Variants in OPCML observed in about 807,000 individuals in gnomAD.
The protein encoded by OPCML is opioid-binding protein/cell adhesion molecule.
In OPCML, 13 loss-of-function variants were observed where a neutral mutation model predicts 37.8. The observed-to-expected ratio is 0.34, with a 90% CI of 0.22 to 0.55. The LOEUF (loss-of-function observed/expected upper bound fraction) is 0.55, where lower values mean the gene tolerates loss of function less well. Among genes scored for constraint, OPCML ranks in the 20% least tolerant of loss-of-function variants. OPCML has a pLI of 0.91. For synonymous variants in OPCML, 176 were observed against 168.8 expected (o/e 1.04, Z -0.33); for missense variants, 341 against 435.6 (o/e 0.78, Z 1.93).
chr11:133,310,693 G>A (rs530646411), intron 1 of OPCML, among the ~76,000 whole-genome samples: 1 of 152,200 alleles, frequency 6.6e-6, no homozygotes, highest in South Asian at 2.1e-4. Context: ...TGGAAGGACT[G>A]TTCCCACCCA....
chr11:133,043,446 C>A (rs1354226818), intron 1 of OPCML, among the ~76,000 whole-genome samples: 3 of 152,176 alleles, frequency 2.0e-5, no homozygotes, highest in Non-Finnish European at 4.4e-5. Context: ...AATTAACCAG[C>A]CTTCCCTTTC....
chr11:133,298,360 G>GAAGGAA (rs1203205564), intron 1 of OPCML: 1 of 152,008 alleles, frequency 6.6e-6, no homozygotes, highest in Non-Finnish European at 1.5e-5. Context: ...GACAGAAAAT[G>GAAGGAA]GTAAAAATCA....
chr11:132,742,357 G>A (rs916070067), intron 2 of OPCML, among the ~76,000 whole-genome samples: 3 of 152,194 alleles, frequency 2.0e-5, no homozygotes, highest in Non-Finnish European at 4.4e-5. Context: ...TGGAGTTCCA[G>A]TGATGGTATT....
intron 4 of OPCML, among the ~76,000 whole-genome samples, chr11:132,515,473 T>C (rs1189240158): frequency 6.6e-6 from 1 of 152,158 alleles, no homozygotes; most frequent in Non-Finnish European, 1.5e-5. Context: ...ACCCCAGTCC[T>C]TGTTATTGTG....
At chr11:132,917,658 C>T (rs1944651616) in intron 2 of OPCML, among the ~76,000 whole-genome samples, 1 of 152,192 alleles carries the variant, frequency 6.6e-6, no homozygotes, top group Non-Finnish European at 1.5e-5. Flanking sequence ...TGCCATGGTA[C>T]CTGGAACTAG....
rs2095949205 is a variant in OPCML at position 132,419,273 on chromosome 11, TA to T, written c.*919del. Reference sequence around the variant, plus strand: ...AAGGAGTGTTAGACAATTACATTGATAGATTGATAAACAGTAAATAGATTGC... The same window carrying T: ...AAGGAGTGTTAGACAATTACATTGATGATTGATAAACAGTAAATAGATTGC... On this transcript the variant is annotated 3_prime_UTR_variant, in exon 8 of 8. Transcript: ENST00000524381. 6.6e-6 allele frequency: 1 copy of T among 152,164 alleles called. No individual in the cohort carries two copies. The highest frequency in any genetic ancestry group is 1.5e-5 in the Non-Finnish European group (1 of 68,018). The allele number at this position is 152,164 out of a possible 1,614,324, so 9.4% of individuals were successfully genotyped here.
At chr11:133,224,272 A>G (rs1252987942) in intron 1 of OPCML, among the ~76,000 whole-genome samples, 6 of 152,156 alleles carry the variant, frequency 3.9e-5, no homozygotes, top group Non-Finnish European at 7.3e-5. Flanking sequence ...GAAACAAGAG[A>G]AAAAGAACAA....
At chr11:133,015,435 G>GGAAGGAAT (rs1565398924) in intron 1 of OPCML, among the ~76,000 whole-genome samples, 15 of 106,292 alleles carry the variant, frequency 1.4e-4, no homozygotes, top group Non-Finnish European at 6.7e-5. Context: ...AAGGAATGAA[G>GGAAGGAAT]GAAGGAAGGA....
At chr11:133,371,301 C>T (rs1262715500) in intron 1 of OPCML, among the ~76,000 whole-genome samples, 1 of 152,172 alleles carries the variant, frequency 6.6e-6, no homozygotes, top group African/African-American at 2.4e-5. Flanking sequence ...AGCTGACCTA[C>T]TACTGGGTAT....
intron 2 of OPCML, among the ~76,000 whole-genome samples, chr11:132,839,431 G>A (rs1409334315): frequency 6.6e-6 from 1 of 152,230 alleles, no homozygotes. Context: ...TTCCCATATG[G>A]GAGGCGCTTG....
chr11:133,390,912 TC>T (rs2136810133), intron 1 of OPCML, among the ~76,000 whole-genome samples: 1 of 152,178 alleles, frequency 6.6e-6, no homozygotes, highest in East Asian at 1.9e-4. Context: ...CTTCAATGGC[TC>T]CCAGTGGGTC....
chr11:133,384,717 C>T (rs1332037231), intron 1 of OPCML, among the ~76,000 whole-genome samples: 5 of 152,214 alleles, frequency 3.3e-5, no homozygotes, highest in Admixed American at 1.3e-4. Context: ...AGACCAGCCT[C>T]AATAGAGACA....
At chr11:132,783,884 A>C (rs1000227942) in intron 2 of OPCML, among the ~76,000 whole-genome samples, 2 of 152,206 alleles carry the variant, frequency 1.3e-5, no homozygotes, top group African/African-American at 4.8e-5. Context: ...CTACTTTGGG[A>C]ATATATTTTA....
chr11:132,552,763 C>CTT lies in OPCML; in HGVS notation c.380-23579_380-23578dup, dbSNP rs562056846. Among the ~76,000 whole-genome samples the CTT allele has an allele frequency of 3.3e-4, 31 of 92,782 alleles. 5 individuals carry two copies. In the South Asian group the frequency reaches 5.9e-3, roughly 18 times the overall value. The allele number at this position is 92,782 out of a possible 152,430, so 60.9% of individuals were successfully genotyped here. On this transcript the variant is annotated intron_variant, in intron 3 of 7. Transcript: ENST00000524381. ...TAGTCAAACTAAATTAAACACTACT[C>CTT]TTTTTTTTTTTTTTTTGAGACCGAG...
intron 7 of OPCML, among the ~76,000 whole-genome samples, chr11:132,431,100 A>G (rs1346166122): frequency 6.6e-6 from 1 of 152,206 alleles, no homozygotes; most frequent in African/African-American, 2.4e-5. Context: ...CAATGGCTGC[A>G]CCCACTCAGT....
intron 2 of OPCML, among the ~76,000 whole-genome samples, chr11:132,713,373 T>G (rs1368547770): frequency 6.6e-6 from 1 of 152,162 alleles, no homozygotes; most frequent in Non-Finnish European, 1.5e-5. Context: ...ATTCTGTTTA[T>G]CAATAAGGTG....
chr11:132,870,049 C>A (rs1942734914), intron 2 of OPCML, among the ~76,000 whole-genome samples: 1 of 152,176 alleles, frequency 6.6e-6, no homozygotes, highest in Non-Finnish European at 1.5e-5. Flanking sequence ...AAGCTCCACA[C>A]CTACCTACTA....
intron 3 of OPCML, among the ~76,000 whole-genome samples, chr11:132,592,103 A>C (rs574444351): frequency 6.6e-6 from 1 of 152,354 alleles, no homozygotes; most frequent in Admixed American, 6.5e-5. Flanking sequence ...CCAAATAGAA[A>C]GCTATACGAA....
chr11:132,756,972 T>TCCCATATGTTCTCATTGTTCATATGTG (rs1946070988), intron 2 of OPCML, among the ~76,000 whole-genome samples: 1 of 152,038 alleles, frequency 6.6e-6, no homozygotes, highest in African/African-American at 2.4e-5. Context: ...GATGTTCCCC[T>TCCCATATGTTCTCATTGTTCATATGTG]CCCATATGTT....
Sources: gnomAD v4.1 joint callset for allele counts (sites outside exome capture counted in the v4.1 genomes callset) on GRCh38, gnomAD v4.1.1 for gene constraint, MANE v1.5 for transcripts, NCBI Gene and HGNC (gene_info 2026-07-23, HGNC 2026-07-21) for gene names.